CHD8: variants seen among roughly 807,000 people sequenced by gnomAD.
CHD8 encodes ATP-dependent chromatin remodeler CHD8.
Under a neutral mutation model 279.2 loss-of-function variants are expected in CHD8, and 31 were observed. That is an observed-to-expected ratio of 0.11 (90% CI 0.08 to 0.15). The LOEUF is 0.15. Among genes scored for constraint, CHD8 ranks in the 10% least tolerant of loss-of-function variants. The pLI, the probability that CHD8 is intolerant of heterozygous loss-of-function variation, is 1.00. For synonymous variants in CHD8, 1,081 were observed against 1,139.6 expected (o/e 0.95, Z 1.04); for missense variants, 2,146 against 3,230.5 (o/e 0.66, Z 8.14).
In CHD8 at chr14:21,399,970, C is replaced by T. The variant is rs749884979; in HGVS notation, c.4817+11G>A. On this transcript the variant is annotated intron_variant, in intron 25 of 37. Coordinates refer to ENST00000646647, the MANE Select transcript of CHD8 (RefSeq NM_001170629.2). Reference sequence around the variant, plus strand: ...TAGGGCATAAATCAAAAAAATATAGCAGAATTTTACCTGGCAATCGCACCC... The same window carrying T: ...TAGGGCATAAATCAAAAAAATATAGTAGAATTTTACCTGGCAATCGCACCC... 2 of 1,608,954 alleles carry T rather than the reference C, an allele frequency of 1.2e-6. No individual in the cohort carries two copies. Among genetic ancestry groups the T allele is most frequent in the Non-Finnish European group, 1.7e-6 (2 of 1,176,740 alleles).
chr14:21,396,073 C>T (rs965906408), intron 27 of CHD8, among the ~76,000 whole-genome samples, 181 bp from the exon 28 acceptor site: 3 of 151,928 alleles, frequency 2.0e-5, no homozygotes, highest in South Asian at 2.1e-4. Flanking sequence ...CACAGCTCAC[C>T]GTAGCCTCAA....
At chr14:21,390,668 C>A (rs1225725230) in intron 37 of CHD8, among the ~76,000 whole-genome samples, 10 of 151,738 alleles carry the variant, frequency 6.6e-5, no homozygotes. Context: ...ATCCCAGCTA[C>A]TCAGGAGGCT....
At chr14:21,392,261 C>G in intron 34 of CHD8, 1 of 762,844 alleles carries the variant, frequency 1.3e-6, no homozygotes. Flanking sequence ...GGGCAAAATC[C>G]TGCTATTCCT....
At chr14:21,421,425 T>G (rs1323894281) in intron 5 of CHD8, among the ~76,000 whole-genome samples, 2 of 151,854 alleles carry the variant, frequency 1.3e-5, no homozygotes, top group Admixed American at 6.6e-5. Context: ...ATATTGCCAA[T>G]TTTACTTAAC....
chr14:21,385,724 T>C lies in CHD8; in HGVS notation c.7635A>G (p.Glu2545=). ...QPEEDDDEDE[E]DDDDLSQGYD... is the part of the protein sequence containing the mutation. ...AGCCCTGAGATAAGTCATCATCATC[T>C]TCTTCATCCTCATCGTCATCCTCCT... The change falls in exon 38 of 38, where the codon GAA becomes GAG. Residue 2545 remains glutamate, a synonymous_variant. Transcript: ENST00000646647. The C allele has an allele frequency of 6.4e-7, 1 of 1,551,776 alleles. No individual in the cohort carries two copies. Among genetic ancestry groups the C allele is most frequent in the Non-Finnish European group, 8.7e-7 (1 of 1,147,004 alleles).
At chr14:21,440,443 G>A (rs1889927982) in intron 1 of CHD8, among the ~76,000 whole-genome samples, 1 of 152,172 alleles carries the variant, frequency 6.6e-6, no homozygotes, top group Non-Finnish European at 1.5e-5. Flanking sequence ...CTGACCTCAG[G>A]TGTTCCACCC....
At chr14:21,429,643 C>G (rs1889480273) in intron 2 of CHD8, 24 of 435,994 alleles carry the variant, frequency 5.5e-5, no homozygotes, top group South Asian at 4.4e-4. Context: ...CTTAGGCAAC[C>G]TGGTGGTCCC....
intron 27 of CHD8, 54 bp downstream of exon 27, chr14:21,397,769 G>C: frequency 1.3e-6 from 2 of 1,577,480 alleles, no homozygotes; most frequent in Non-Finnish European, 1.7e-6. Flanking sequence ...GTCAAGGCTA[G>C]AGTTATTTCA....
intron 5 of CHD8, among the ~76,000 whole-genome samples, chr14:21,418,182 C>T (rs879547388): frequency 6.6e-6 from 1 of 151,920 alleles, no homozygotes; most frequent in Non-Finnish European, 1.5e-5. Context: ...AAAAATTATG[C>T]TGAAAGAAGT....
At chr14:21,417,549 C>T (rs1284196594) in intron 5 of CHD8, among the ~76,000 whole-genome samples, 1 of 151,930 alleles carries the variant, frequency 6.6e-6, no homozygotes, top group Non-Finnish European at 1.5e-5. Flanking sequence ...GACCCTGTCT[C>T]TATTTTATAC....
rs759770261 is a variant in CHD8 at position 21,451,287 on chromosome 14, C to T, written c.-216+4745G>A. The stretch of plus-strand genomic sequence containing the variant: ...TGAAGACTAATGTAAAAGTAATTAT[C>T]GGCTGGGTGCGGTAGCTCACACCTG... On this transcript the variant is annotated intron_variant, in intron 1 of 37. Transcript: ENST00000646647. 2.3e-4 allele frequency among the ~76,000 whole-genome samples: 35 copies of T among 151,950 alleles called. 1 individual carries two copies. The highest frequency in any genetic ancestry group is 7.2e-5 in the African/African-American group (3 of 41,386).
Position 21,445,042 on chromosome 14 carries a change from T to C in CHD8, c.-216+10990A>G, listed in dbSNP as rs867940629. Reference sequence around the variant, plus strand: ...CATTCTCCAGCATCTCCTATCTGGATAGTCATGGTTGCACAGACCAGAAAC... The same window carrying C: ...CATTCTCCAGCATCTCCTATCTGGACAGTCATGGTTGCACAGACCAGAAAC... On this transcript the variant is annotated intron_variant, in intron 1 of 37. Transcript: ENST00000646647. Among the ~76,000 whole-genome samples the C allele has an allele frequency of 3.9e-5, 6 of 152,266 alleles. No individual in the cohort carries two copies. The South Asian group carries it at 1.2e-3, about 32-fold the overall frequency.
In CHD8 at chr14:21,386,629, A is replaced by C. The variant is rs762614281; in HGVS notation, c.7183-453T>G. The stretch of plus-strand genomic sequence containing the variant: ...GAGGCGGGGGAATCACAAGGTCAGG[A>C]GATCGAGACCATCCTGGCTAACACG... On this transcript the variant is annotated intron_variant, in intron 37 of 37. Transcript: ENST00000646647. Among the ~76,000 whole-genome samples the C allele has an allele frequency of 1.2e-4, 18 of 151,930 alleles. 1 individual carries two copies. The highest frequency in any genetic ancestry group is 2.2e-4 in the Non-Finnish European group (15 of 67,958).
In CHD8 at chr14:21,402,521, C is replaced by A. The variant is rs777713362; in HGVS notation, c.3715-18G>T. 1.3e-6 allele frequency: 2 copies of A among 1,559,526 alleles called. No homozygotes were observed. Among genetic ancestry groups the A allele is most frequent in the Non-Finnish European group, 1.7e-6 (2 of 1,154,908 alleles). ...GCCTGGGCCTGGTTTAAAATAAAAA[C>A]GAAAGGAAAGGAGAAAGATATCATA... On this transcript the variant is annotated intron_variant, in intron 18 of 37. Transcript: ENST00000646647. This position sits in a 1 kb window ranked among gnomAD's most constrained non-coding sequence, Gnocchi z 4.5.
At chr14:21,424,938 G>GT (rs140666066) in intron 5 of CHD8, among the ~76,000 whole-genome samples, 1,707 of 152,278 alleles carry the variant, frequency 0.011, 21 homozygotes, top group Middle Eastern at 0.058. Flanking sequence ...TGAGACTCAA[G>GT]TAAGTTAAGT....
chr14:21,390,800 G>A (rs1032482310), intron 37 of CHD8, 147 bp downstream of exon 37: 1 of 546,528 alleles, frequency 1.8e-6, no homozygotes, highest in Non-Finnish European at 3.2e-6. Context: ...GAAAACTCCG[G>A]TTTCCTTATT....
At position 21,452,489 on chromosome 14, in the gene CHD8, C is replaced by T. The variant is rs140365572; in HGVS notation, c.-216+3543G>A. On this transcript the variant is annotated intron_variant, in intron 1 of 37. Coordinates refer to ENST00000646647, the MANE Select transcript of CHD8 (RefSeq NM_001170629.2). Reference sequence around the variant, plus strand: ...TGAAACCCTGTCTCTGCTAAAAATACAAAAAATTAGCCAGGCGTGGTGGCA... The same window carrying T: ...TGAAACCCTGTCTCTGCTAAAAATATAAAAAATTAGCCAGGCGTGGTGGCA... 9.1e-3 allele frequency among the ~76,000 whole-genome samples: 1,382 copies of T among 151,196 alleles called. 30 individuals carry two copies. The highest frequency in any genetic ancestry group is 0.03 in the African/African-American group (1,251 of 41,284).
chr14:21,441,671 G>A (rs555537460), intron 1 of CHD8, among the ~76,000 whole-genome samples: 2 of 151,810 alleles, frequency 1.3e-5, no homozygotes, highest in East Asian at 2.0e-4. Context: ...GGCATATCAC[G>A]AGGTCAGGAG....
chr14:21,416,320 T>G (rs1408051635), intron 5 of CHD8: 1 of 156,014 alleles, frequency 6.4e-6, no homozygotes, highest in Non-Finnish European at 1.4e-5. Flanking sequence ...GAATCTACTG[T>G]ATGTACTATT....
Sources: allele counts gnomAD v4.1 joint callset (sites outside exome capture counted in the v4.1 genomes callset), GRCh38; gene constraint gnomAD v4.1.1; non-coding constraint Gnocchi (gnomAD v3.1); transcripts MANE v1.5; gene names NCBI Gene and HGNC (gene_info 2026-07-23, HGNC 2026-07-21).